KRT8: variants seen among roughly 807,000 people sequenced by gnomAD.
KRT8 encodes keratin 8, also known as keratin, type II cytoskeletal 8.
In KRT8, 24 loss-of-function variants were observed where a neutral mutation model predicts 43.0. The observed-to-expected ratio is 0.56, with a 90% CI of 0.40 to 0.78. KRT8 has a LOEUF of 0.78. Among genes scored for constraint, KRT8 ranks in the 30% least tolerant of loss-of-function variants. The pLI, the probability that KRT8 is intolerant of heterozygous loss-of-function variation, is 0.00. For missense variants in KRT8, 492 were observed against 638.4 expected (o/e 0.77, Z 2.47); for synonymous variants, 214 against 261.2 (o/e 0.82, Z 1.74).
intron 2 of KRT8, among the ~76,000 whole-genome samples, chr12:52,928,135 G>T (rs1031404022): frequency 2.0e-5 from 3 of 152,228 alleles, no homozygotes; most frequent in African/African-American, 7.2e-5. Flanking sequence ...TGAGTCTGCT[G>T]CTGGGAAGTG....
At chr12:52,911,233 T>A (rs780148879), upstream of KRT8, among the ~76,000 whole-genome samples, 6 of 152,026 alleles carry the variant, frequency 3.9e-5, no homozygotes, top group Non-Finnish European at 5.9e-5. Flanking sequence ...GCACCTGTAA[T>A]CCCAGCTACT....
chr12:52,919,803 C>T (rs979470518), intron 2 of KRT8, among the ~76,000 whole-genome samples: 2 of 152,116 alleles, frequency 1.3e-5, no homozygotes, highest in African/African-American at 4.8e-5. Context: ...CCTGCACCAC[C>T]ATGCCCGGAT....
chr12:52,901,330 G>A, intron 2 of KRT8, 111 bp from the exon 3 acceptor site: 1 of 798,796 alleles, frequency 1.3e-6, no homozygotes. Context: ...TCACAGAGAT[G>A]CAGGATATGA....
chr12:52,946,386 C>T (rs558862124), intron 2 of KRT8, among the ~76,000 whole-genome samples: 123 of 152,132 alleles, frequency 8.1e-4, no homozygotes, highest in Non-Finnish European at 1.5e-3. Context: ...TGAAGGAAGG[C>T]TCCAGTACAA....
At chr12:52,918,111 AGAAGAAGAG>A (rs1941790353) in intron 2 of KRT8, among the ~76,000 whole-genome samples, 1 of 147,196 alleles carries the variant, frequency 6.8e-6, no homozygotes, top group African/African-American at 2.5e-5. Flanking sequence ...AAGAAGAAGA[AGAAGAAGAG>A]GAAGAAGAAG....
chr12:52,906,771 T>C (rs762522680), upstream of KRT8: 2 of 455,662 alleles, frequency 4.4e-6, no homozygotes, highest in Non-Finnish European at 8.8e-6. Context: ...ACAGGTGACA[T>C]AGCCCTGACC....
At chr12:52,924,222 A>G (rs1052184396) in intron 2 of KRT8, among the ~76,000 whole-genome samples, 9 of 152,062 alleles carry the variant, frequency 5.9e-5, no homozygotes, top group African/African-American at 1.9e-4. Flanking sequence ...GCTGAGGCAG[A>G]CAGATCACAA....
intron 2 of KRT8, chr12:52,948,552 C>T (rs528004737): frequency 1.9e-4 from 35 of 185,568 alleles, no homozygotes; most frequent in Non-Finnish European, 2.8e-4. Context: ...GCTGCAGTGG[C>T]GCGATCTCGG....
chr12:52,943,430 G>A (rs1004498319), intron 2 of KRT8, among the ~76,000 whole-genome samples: 3 of 152,106 alleles, frequency 2.0e-5, no homozygotes, highest in Non-Finnish European at 4.4e-5. Flanking sequence ...GTCTCTTCCT[G>A]GGAACTTAGA....
chr12:52,902,339 A>G, intron 1 of KRT8: 1 of 494,934 alleles, frequency 2.0e-6, no homozygotes, highest in Non-Finnish European at 3.7e-6. Context: ...TTGCAAACCA[A>G]TAGGCCTAAC....
At chr12:52,903,006 T>C (rs1941413021) in intron 1 of KRT8, among the ~76,000 whole-genome samples, 1 of 152,052 alleles carries the variant, frequency 6.6e-6, no homozygotes. Context: ...AGTGAGACTC[T>C]GTCTCAAACA....
chr12:52,933,182 G>A (rs1250158408), intron 2 of KRT8, among the ~76,000 whole-genome samples: 1 of 152,140 alleles, frequency 6.6e-6, no homozygotes, highest in African/African-American at 2.4e-5. Flanking sequence ...CTGACCTCAG[G>A]CAATCTGCCC....
At chr12:52,899,175 C>T (rs1454073139) in intron 5 of KRT8, among the ~76,000 whole-genome samples, 1 of 152,134 alleles carries the variant, frequency 6.6e-6, no homozygotes. Context: ...AATTAGCCAG[C>T]CTGGTGGCGG....
At chr12:52,898,495 C>T (rs752676651) in exon 7 of KRT8, 1 of 1,614,042 alleles carries the variant, frequency 6.2e-7, no homozygotes, top group Admixed American at 1.7e-5. Flanking sequence ...TATGAATACT[C>T]ATGTTCTGCA....
At chr12:52,901,308 G>C in intron 2 of KRT8, 89 bp from the exon 3 acceptor site, 1 of 930,776 alleles carries the variant, frequency 1.1e-6, no homozygotes, top group South Asian at 1.3e-5. Flanking sequence ...GTGAAAATCA[G>C]GAAAATTCAG....
chr12:52,916,221 G>C (rs1018243245), intron 2 of KRT8, among the ~76,000 whole-genome samples: 2 of 152,108 alleles, frequency 1.3e-5, no homozygotes, highest in African/African-American at 4.8e-5. Context: ...AGCTGGCTGG[G>C]GTGTTCAGGA....
chr12:52,910,717 A>G (rs1941619044), upstream of KRT8, among the ~76,000 whole-genome samples: 1 of 152,188 alleles, frequency 6.6e-6, no homozygotes, highest in South Asian at 2.1e-4. Flanking sequence ...GGAAAAGAAC[A>G]AACAGGAAGG....
At chr12:52,900,735 A>G (rs747249230) in intron 3 of KRT8, 52 bp from the exon 4 acceptor site, 3 of 1,280,480 alleles carry the variant, frequency 2.3e-6, no homozygotes, top group Non-Finnish European at 3.4e-6. Context: ...CCCAACCCCA[A>G]CCAAGGGGCT....
rs531999362 is a variant in KRT8, at chr12:52,935,637, A to C, written c.-47+13819T>G. On this transcript the variant is annotated intron_variant, in intron 2 of 6. Transcript: ENST00000546826. ...ACAAAAAATACAAACCATACAAAAA[A>C]TTTCATAATTTTTTTTTTTTTTTAG... Among the ~76,000 whole-genome samples the C allele has an allele frequency of 3.3e-5, 5 of 151,584 alleles. No individual in the cohort carries two copies. The South Asian group carries it at 8.3e-4, about 25-fold the overall frequency.
Sources: allele counts gnomAD v4.1 joint callset (sites outside exome capture counted in the v4.1 genomes callset), GRCh38; gene constraint gnomAD v4.1.1; transcripts MANE v1.5; gene names NCBI Gene and HGNC (gene_info 2026-07-23, HGNC 2026-07-21).